The following ZNF804A variants were observed in gnomAD, a reference collection of about 807,000 sequenced individuals.
ZNF804A encodes zinc finger protein 804A.
In ZNF804A, 2 loss-of-function variants were observed where a neutral mutation model predicts 16.5. The observed-to-expected ratio is 0.12, with a 90% CI of 0.05 to 0.38. The LOEUF is 0.38. ZNF804A is among the 10% of genes least tolerant of loss of function. The pLI is 0.99. For synonymous variants in ZNF804A, 534 were observed against 489.6 expected, an observed-to-expected ratio of 1.09 and a Z score of -1.20; for missense variants, 1,473 against 1,390.7, an observed-to-expected ratio of 1.06 and a Z score of -0.94.
At chr2:184,836,161 G>A (rs188276734) in intron 1 of ZNF804A, among the ~76,000 whole-genome samples, 2 of 152,222 alleles carry the variant, frequency 1.3e-5, no homozygotes, top group Admixed American at 6.6e-5. Context: ...CTTGGCACAT[G>A]GTAGTTGCTT....
chr2:184,938,745 G>T lies in ZNF804A; in HGVS notation c.3349G>T (p.Ala1117Ser). 2 of 1,611,288 alleles carry T rather than the reference G, an allele frequency of 1.2e-6. No homozygotes were observed. The highest frequency in any genetic ancestry group is 1.7e-4 in the Middle Eastern group (1 of 6,046). The change falls in exon 4 of 4, where the codon GCA becomes TCA. Residue 1117 changes from alanine (A) to serine (S), a missense_variant. Physicochemically the swap from Ala to Ser is moderately conservative, Grantham distance 99. Transcript: ENST00000302277. ...AGCTGCTGCAGCTGCAGCTGCAGCC[G>T]CAGCTGCAGGAACCTTTAAAGTGCT... ...AAAAAAAAAAAAAGTFKVLQP... is the reference protein window; with the variant it reads ...AAAAAAAAAASAAGTFKVLQP...
intron 1 of ZNF804A, among the ~76,000 whole-genome samples, chr2:184,630,578 G>C (rs1221201592): frequency 6.6e-6 from 1 of 152,064 alleles, no homozygotes; most frequent in African/African-American, 2.4e-5. Context: ...ATATAATCCT[G>C]AACAAAAGTA....
At chr2:184,824,030 A>G (rs1651429893) in intron 1 of ZNF804A, among the ~76,000 whole-genome samples, 1 of 152,132 alleles carries the variant, frequency 6.6e-6, no homozygotes, top group Non-Finnish European at 1.5e-5. Context: ...GTAAGATTTT[A>G]TATTTATTGA....
chr2:184,917,310 GA>G (rs1685463864), intron 2 of ZNF804A, among the ~76,000 whole-genome samples: 1 of 152,060 alleles, frequency 6.6e-6, no homozygotes, highest in South Asian at 2.1e-4. Context: ...CCCTTCCCCA[GA>G]AGATAATTTA....
chr2:184,919,757 C>A (rs1343665307), intron 2 of ZNF804A, among the ~76,000 whole-genome samples: 1 of 152,082 alleles, frequency 6.6e-6, no homozygotes, highest in Non-Finnish European at 1.5e-5. Flanking sequence ...CAACAAAATT[C>A]ACTACTTGAT....
intron 2 of ZNF804A, among the ~76,000 whole-genome samples, chr2:184,929,519 TAAC>T (rs1455223876): frequency 6.6e-6 from 1 of 152,064 alleles, no homozygotes; most frequent in East Asian, 1.9e-4. Flanking sequence ...GAGTATGTAA[TAAC>T]AATTAACTTT....
rs536572312 is a variant in ZNF804A, at chr2:184,769,396, T to A, written c.112-96973T>A. Among the ~76,000 whole-genome samples the A allele has an allele frequency of 9.2e-5, 14 of 152,210 alleles. No homozygotes were observed. The South Asian group carries it at 2.9e-3, about 32-fold the overall frequency. On this transcript the variant is annotated intron_variant, in intron 1 of 3. Transcript: ENST00000302277. ...TCTCAAAAGAAGGGCTTTGGTAGCC[T>A]AGTATTGAATCTTTTTTCAATTTTA...
At chr2:184,748,554 A>G (rs1574193474) in intron 1 of ZNF804A, among the ~76,000 whole-genome samples, 1 of 151,442 alleles carries the variant, frequency 6.6e-6, no homozygotes, top group East Asian at 1.9e-4. Flanking sequence ...TAGCTTGTCA[A>G]TATTTTCTCC....
chr2:184,722,880 T>C (rs918065969), intron 1 of ZNF804A, among the ~76,000 whole-genome samples: 12 of 152,152 alleles, frequency 7.9e-5, no homozygotes, highest in Admixed American at 3.3e-4. Flanking sequence ...AATTGCTTCA[T>C]GTTAACGGTA....
At chr2:184,626,200 G>A (rs1691495607) in intron 1 of ZNF804A, among the ~76,000 whole-genome samples, 1 of 151,952 alleles carries the variant, frequency 6.6e-6, no homozygotes, top group Non-Finnish European at 1.5e-5. Context: ...TTCTAGGACA[G>A]GGCAATTTTC....
intron 2 of ZNF804A, among the ~76,000 whole-genome samples, chr2:184,909,903 T>A (rs1431249883): frequency 3.3e-5 from 5 of 152,088 alleles, no homozygotes; most frequent in Non-Finnish European, 7.4e-5. Flanking sequence ...CATGGTTTAT[T>A]TTTTAAACAA....
chr2:184,871,032 A>AGAAATGCC (rs1695966059), intron 2 of ZNF804A, among the ~76,000 whole-genome samples: 1 of 151,312 alleles, frequency 6.6e-6, no homozygotes, highest in South Asian at 2.1e-4. Context: ...TAACACTTTC[A>AGAAATGCC]GAAATGCCTT....
chr2:184,845,548 T>C (rs191680121), intron 1 of ZNF804A, among the ~76,000 whole-genome samples: 196 of 152,218 alleles, frequency 1.3e-3, no homozygotes, highest in Admixed American at 2.2e-3. Flanking sequence ...GGCTATGGGG[T>C]CTGGACTGGT....
At chr2:184,850,623 C>A (rs1353106634) in intron 1 of ZNF804A, among the ~76,000 whole-genome samples, 1 of 150,886 alleles carries the variant, frequency 6.6e-6, no homozygotes, top group African/African-American at 2.4e-5. Flanking sequence ...CTCTTAAGAA[C>A]TTATAATGAA....
At chr2:184,768,738 C>A (rs11883625) in intron 1 of ZNF804A, among the ~76,000 whole-genome samples, 1 of 151,724 alleles carries the variant, frequency 6.6e-6, no homozygotes, top group Non-Finnish European at 1.5e-5. Context: ...CTTATAAAAC[C>A]AAAATACTAT....
intron 1 of ZNF804A, among the ~76,000 whole-genome samples, chr2:184,699,771 T>C (rs1485285466): frequency 1.3e-5 from 2 of 152,102 alleles, no homozygotes; most frequent in Non-Finnish European, 2.9e-5. Context: ...ATATTGTAAG[T>C]GAACTAAAGG....
Position 184,936,437 on chromosome 2 carries a change from T to C in ZNF804A, c.1041T>C (p.Pro347=), listed in dbSNP as rs757114210. 13 of 1,613,846 alleles carry C rather than the reference T, an allele frequency of 8.1e-6. No homozygotes were observed. The highest frequency in any genetic ancestry group is 1.6e-4 in the Middle Eastern group (1 of 6,082). ...LESVVINEDI[P]VSGNSFELLG... is the part of the protein sequence containing the mutation. ...GTGTTGTTATTAATGAAGACATACC[T>C]GTTAGTGGTAACAGTTTTGAGTTGT... Residue 347 remains proline (P), a synonymous_variant, in exon 4 of 4, where the codon CCT becomes CCC. Coordinates refer to ENST00000302277, the MANE Select transcript of ZNF804A (RefSeq NM_194250.2).
chr2:184,660,257 A>C (rs966305541), intron 1 of ZNF804A, among the ~76,000 whole-genome samples: 3 of 152,248 alleles, frequency 2.0e-5, no homozygotes, highest in African/African-American at 7.2e-5. Context: ...AAAAAGTCAG[A>C]TTCAACTAGA....
chr2:184,676,988 A>G (rs1692447009), intron 1 of ZNF804A, among the ~76,000 whole-genome samples: 1 of 151,922 alleles, frequency 6.6e-6, no homozygotes. Flanking sequence ...ATTCAGGATC[A>G]GGTAAATCTA....
Sources: gnomAD v4.1 joint callset for allele counts (sites outside exome capture counted in the v4.1 genomes callset) on GRCh38, gnomAD v4.1.1 for gene constraint, MANE v1.5 for transcripts, NCBI Gene and HGNC (gene_info 2026-07-23, HGNC 2026-07-21) for gene names.